The following LOC400499 variants were observed in gnomAD, a reference collection of about 807,000 sequenced individuals.
At chr16:11,464,895 G>A in the LOC400499 span, among the ~76,000 whole-genome samples, 13 of 152,360 alleles carry the variant, frequency 8.5e-5, no homozygotes, top group East Asian at 2.5e-3. Flanking sequence ...TGGGAATTCT[G>A]AAAATGAGGC....
chr16:11,514,286 C>G, the LOC400499 span: 2 of 398,930 alleles, frequency 5.0e-6, no homozygotes, highest in Non-Finnish European at 8.8e-6. Flanking sequence ...GAACCTGGGC[C>G]TGCTTGGGCC....
chr16:11,486,212 T>C, the LOC400499 span, among the ~76,000 whole-genome samples: 1 of 97,854 alleles, frequency 1.0e-5, no homozygotes, highest in Non-Finnish European at 2.0e-5. Flanking sequence ...GATGAATGGA[T>C]GATGGGTGGG....
the LOC400499 span, among the ~76,000 whole-genome samples, chr16:11,464,974 C>T: frequency 6.6e-6 from 1 of 152,198 alleles, no homozygotes; most frequent in Non-Finnish European, 1.5e-5. Flanking sequence ...TAGGTCTTCC[C>T]CCACCCAGGC....
At chr16:11,381,874 TATGG>T in the LOC400499 span, among the ~76,000 whole-genome samples, 1 of 152,140 alleles carries the variant, frequency 6.6e-6, no homozygotes, top group African/African-American at 2.4e-5. Flanking sequence ...TGGGTCTTGG[TATGG>T]ATGGATTTAT....
chr16:11,414,439 A>G, the LOC400499 span: 10 of 400,196 alleles, frequency 2.5e-5, no homozygotes, highest in East Asian at 2.5e-4. Context: ...CCGAGCCACC[A>G]GGGCTGCCAG....
At chr16:11,462,563 C>A in the LOC400499 span, 1 of 355,398 alleles carries the variant, frequency 2.8e-6, no homozygotes, top group Non-Finnish European at 3.9e-6. Flanking sequence ...CCTGGGATTA[C>A]AGTCACGTGC....
the LOC400499 span, among the ~76,000 whole-genome samples, chr16:11,378,351 C>T: frequency 6.6e-6 from 1 of 151,120 alleles, no homozygotes; most frequent in Non-Finnish European, 1.5e-5. Context: ...GCAACCTCTG[C>T]CTCCCGGGTT....
At chr16:11,416,343 A>C in the LOC400499 span, among the ~76,000 whole-genome samples, 63 of 152,134 alleles carry the variant, frequency 4.1e-4, no homozygotes, top group African/African-American at 1.5e-3. Flanking sequence ...AAGTCTCCAT[A>C]ATCTATATGG....
the LOC400499 span, chr16:11,431,299 T>C: frequency 1.5e-5 from 6 of 398,638 alleles, no homozygotes; most frequent in Middle Eastern, 6.2e-4. Context: ...CCAACCCCAA[T>C]GCTGCTGCTC....
chr16:11,449,951 T>G, the LOC400499 span, among the ~76,000 whole-genome samples: 16 of 152,248 alleles, frequency 1.1e-4, no homozygotes, highest in Non-Finnish European at 2.1e-4. Flanking sequence ...AGGAGCCGGC[T>G]AGCCGACCAC....
the LOC400499 span, among the ~76,000 whole-genome samples, chr16:11,404,545 C>T: frequency 6.6e-6 from 1 of 152,214 alleles, no homozygotes; most frequent in Admixed American, 6.5e-5. Context: ...TGGGGTTTCA[C>T]CATGTTGGCC....
the LOC400499 span, among the ~76,000 whole-genome samples, chr16:11,506,100 G>A: frequency 6.6e-6 from 1 of 152,022 alleles, no homozygotes; most frequent in Admixed American, 6.6e-5. Flanking sequence ...GCAGTGGAGT[G>A]ATCTCGGCTC....
the LOC400499 span, chr16:11,399,106 T>C: frequency 3.5e-6 from 2 of 566,118 alleles, no homozygotes; most frequent in Non-Finnish European, 4.5e-6. Flanking sequence ...CTCGGCCCCA[T>C]GAGGAGCCCT....
the LOC400499 span, among the ~76,000 whole-genome samples, chr16:11,466,131 TCTTTA>T: frequency 6.6e-6 from 1 of 152,150 alleles, no homozygotes; most frequent in African/African-American, 2.4e-5. Flanking sequence ...GCACTTATTT[TCTTTA>T]AAGTGGATAT....
At chr16:11,439,931 C>T in the LOC400499 span, among the ~76,000 whole-genome samples, 1 of 152,134 alleles carries the variant, frequency 6.6e-6, no homozygotes, top group South Asian at 2.1e-4. Context: ...CTCATTTAAT[C>T]CTCAGCAGTG....
At chr16:11,436,952 G>C in the LOC400499 span, among the ~76,000 whole-genome samples, 1 of 152,058 alleles carries the variant, frequency 6.6e-6, no homozygotes, top group Non-Finnish European at 1.5e-5. Context: ...AATAAAACAT[G>C]ATACACCCAG....
chr16:11,474,883 A>G, the LOC400499 span, among the ~76,000 whole-genome samples: 68 of 152,130 alleles, frequency 4.5e-4, no homozygotes, highest in Non-Finnish European at 7.5e-4. Flanking sequence ...ATAAAAGTAC[A>G]ATATCGGGAT....
the LOC400499 span, among the ~76,000 whole-genome samples, chr16:11,396,116 T>C: frequency 3.3e-5 from 5 of 152,244 alleles, no homozygotes; most frequent in Non-Finnish European, 5.9e-5. Context: ...CCTACGACTA[T>C]ATTTAACCCT....
chr16:11,435,582 G>T, the LOC400499 span: 1 of 398,736 alleles, frequency 2.5e-6, no homozygotes, highest in East Asian at 3.6e-5. Context: ...TCTGAGTGAG[G>T]ATCTCCCATA....
Sources: allele counts gnomAD v4.1 joint callset (sites outside exome capture counted in the v4.1 genomes callset), GRCh38; gene constraint gnomAD v4.1.1; transcripts MANE v1.5.